Variants in COX7B2 observed in about 807,000 individuals in gnomAD.
The protein encoded by COX7B2 is cytochrome c oxidase subunit 7B2, also known as cytochrome c oxidase subunit 7B2, mitochondrial.
For missense variants in COX7B2, 109 were observed against 95.9 expected (o/e 1.14, Z -0.57); for synonymous variants, 37 against 32.1 (o/e 1.15, Z -0.51).
intron 2 of COX7B2, among the ~76,000 whole-genome samples, chr4:46,758,762 T>C (rs1404497705): frequency 1.3e-5 from 2 of 152,122 alleles, no homozygotes; most frequent in Admixed American, 6.6e-5. Flanking sequence ...TGCCCAAAAA[T>C]GTGAATGTGA....
rs77783262 is a variant in COX7B2, at chr4:46,904,781, T to G, written c.-105+4379A>C. Among the ~76,000 whole-genome samples, 593 of 152,246 alleles carry G rather than the reference T, an allele frequency of 3.9e-3. 6 individuals are homozygous for G. Among genetic ancestry groups the G allele is most frequent in the African/African-American group, 0.014 (578 of 41,514 alleles). On this transcript the variant is annotated intron_variant, in intron 1 of 2. Transcript: ENST00000355591. Reference sequence around the variant, plus strand: ...ATGCAACGAGGAAAAGTTTTCCACATATTGAAAACATGCAGTTGACTGAAA... The same window carrying G: ...ATGCAACGAGGAAAAGTTTTCCACAGATTGAAAACATGCAGTTGACTGAAA...
At chr4:46,774,579 T>C (rs1254531516) in intron 2 of COX7B2, among the ~76,000 whole-genome samples, 1 of 152,144 alleles carries the variant, frequency 6.6e-6, no homozygotes, top group Non-Finnish European at 1.5e-5. Context: ...TTTCCATGTC[T>C]AAAGTGCCAT....
At chr4:46,907,739 A>G (rs1434860032) in intron 1 of COX7B2, among the ~76,000 whole-genome samples, 1 of 151,904 alleles carries the variant, frequency 6.6e-6, no homozygotes, top group African/African-American at 2.4e-5. Flanking sequence ...AGGAACAACT[A>G]TTAAATCGAT....
chr4:46,832,658 G>A (rs937890286), intron 2 of COX7B2, among the ~76,000 whole-genome samples: 2 of 152,094 alleles, frequency 1.3e-5, no homozygotes, highest in African/African-American at 2.4e-5. Context: ...GGCGCATGGA[G>A]GCAGATTCCT....
At chr4:46,854,241 A>G (rs1716872134) in intron 1 of COX7B2, among the ~76,000 whole-genome samples, 1 of 152,174 alleles carries the variant, frequency 6.6e-6, no homozygotes, top group Non-Finnish European at 1.5e-5. Flanking sequence ...GAGTTTTTAA[A>G]AAGTAGTACT....
intron 1 of COX7B2, among the ~76,000 whole-genome samples, chr4:46,878,092 A>G (rs1183335284): frequency 3.3e-5 from 5 of 152,138 alleles, no homozygotes; most frequent in Admixed American, 2.6e-4. Flanking sequence ...GCCATTTTCT[A>G]TGACATGAAC....
At chr4:46,887,016 T>TA (rs1337603242) in intron 1 of COX7B2, among the ~76,000 whole-genome samples, 2 of 152,164 alleles carry the variant, frequency 1.3e-5, no homozygotes, top group Non-Finnish European at 2.9e-5. Flanking sequence ...AAAGGCCTTT[T>TA]AAAAACAATT....
At chr4:46,862,899 TA>T (rs1169731535) in intron 1 of COX7B2, among the ~76,000 whole-genome samples, 7 of 152,182 alleles carry the variant, frequency 4.6e-5, no homozygotes, top group Admixed American at 4.6e-4. Context: ...CTTAAAATCT[TA>T]AAATTATTTT....
intron 1 of COX7B2, among the ~76,000 whole-genome samples, chr4:46,893,557 G>C (rs1012185037): frequency 7.2e-5 from 11 of 152,112 alleles, no homozygotes; most frequent in African/African-American, 2.7e-4. Flanking sequence ...TGTGGCAATA[G>C]CTGTGGCAGC....
At chr4:46,805,739 G>T (rs374676956) in intron 2 of COX7B2, among the ~76,000 whole-genome samples, 99 of 151,882 alleles carry the variant, frequency 6.5e-4, no homozygotes, top group African/African-American at 2.2e-3. Context: ...ATGGATTTTC[G>T]TAGATCAATG....
intron 2 of COX7B2, among the ~76,000 whole-genome samples, chr4:46,825,582 C>G (rs1279392644): frequency 6.6e-6 from 1 of 152,098 alleles, no homozygotes; most frequent in Non-Finnish European, 1.5e-5. Flanking sequence ...CAAGACAATC[C>G]TAAGCAAAAG....
At chr4:46,825,633 T>C (rs1461010684) in intron 2 of COX7B2, among the ~76,000 whole-genome samples, 2 of 152,164 alleles carry the variant, frequency 1.3e-5, no homozygotes, top group Non-Finnish European at 2.9e-5. Context: ...CTTCAAACTA[T>C]ACTTCAAGGC....
rs557171821 is a variant in COX7B2, at chr4:46,855,035, A to G, written c.-104-10021T>C. 4.6e-5 allele frequency among the ~76,000 whole-genome samples: 7 copies of G among 152,290 alleles called. No homozygotes were observed. The South Asian group carries it at 1.2e-3, about 27-fold the overall frequency. On this transcript the variant is annotated intron_variant, in intron 1 of 2. Transcript: ENST00000355591. ...TAAATTAATTTTAAAGAAATTAACA[A>G]AAGTTTATTAGGCCAGGTGCGGTGC...
At chr4:46,772,249 A>G in intron 2 of COX7B2, among the ~76,000 whole-genome samples, 1 of 152,170 alleles carries the variant, frequency 6.6e-6, no homozygotes, top group East Asian at 1.9e-4. Flanking sequence ...AAAAAAATCA[A>G]ACTCGTAGAA....
At chr4:46,845,506 T>C (rs1012527245) in intron 1 of COX7B2, among the ~76,000 whole-genome samples, 6 of 151,992 alleles carry the variant, frequency 3.9e-5, no homozygotes, top group Admixed American at 3.3e-4. Context: ...GAAAGGAATA[T>C]ATTTTTCATT....
chr4:46,875,851 A>G (rs1350288338), intron 1 of COX7B2, among the ~76,000 whole-genome samples: 3 of 151,910 alleles, frequency 2.0e-5, no homozygotes, highest in African/African-American at 7.3e-5. Context: ...GAAGTGTTAT[A>G]AATTCTATTA....
At chr4:46,803,903 C>T (rs1323473600) in intron 2 of COX7B2, among the ~76,000 whole-genome samples, 1 of 152,094 alleles carries the variant, frequency 6.6e-6, no homozygotes, top group Non-Finnish European at 1.5e-5. Context: ...TTCGAGGTCT[C>T]TTAGGAAAAC....
intron 2 of COX7B2, among the ~76,000 whole-genome samples, chr4:46,756,537 G>T (rs1715812041): frequency 6.6e-6 from 1 of 151,918 alleles, no homozygotes; most frequent in Admixed American, 6.6e-5. Context: ...AAAAATATTT[G>T]CAAACTATGC....
intron 1 of COX7B2, among the ~76,000 whole-genome samples, chr4:46,865,628 T>G (rs1006474821): frequency 1.3e-5 from 2 of 152,150 alleles, no homozygotes; most frequent in African/African-American, 4.8e-5. Flanking sequence ...CCTTGTTGGG[T>G]GTAGAGGCCA....
Sources: allele counts gnomAD v4.1 joint callset (sites outside exome capture counted in the v4.1 genomes callset), GRCh38; gene constraint gnomAD v4.1.1; transcripts MANE v1.5; gene names NCBI Gene and HGNC (gene_info 2026-07-23, HGNC 2026-07-21).